The following RTKN2 variants were observed in gnomAD, a reference collection of about 807,000 sequenced individuals.
RTKN2 encodes the protein rhotekin-2.
Under a neutral mutation model 71.5 loss-of-function variants are expected in RTKN2, and 69 were observed. The ratio of observed to expected loss-of-function variants is 0.96; its 90% CI spans 0.79 to 1.18. RTKN2 has a LOEUF of 1.18. Among genes scored for constraint, RTKN2 ranks in the 50% most tolerant of loss-of-function variants. RTKN2 has a pLI of 0.00. For missense variants in RTKN2, 724 were observed against 719.7 expected (o/e 1.01, Z -0.07); for synonymous variants, 236 against 236.5 (o/e 1.00, Z 0.02).
rs75339755 is a variant in RTKN2 at position 62,198,616 on chromosome 10, C to T, written c.1295-173G>A. 6.7e-3 allele frequency among the ~76,000 whole-genome samples: 1,014 copies of T among 151,958 alleles called. 4 individuals carry two copies. Among genetic ancestry groups the T allele is most frequent in the African/African-American group, 0.017 (695 of 41,450 alleles). On this transcript the variant is annotated intron_variant, in intron 11 of 11. Coordinates refer to ENST00000373789, the MANE Select transcript of RTKN2 (RefSeq NM_145307.4). ...CACCATCAGAACTAAAAAGATCATG[C>T]GCTGCACTAATCATACATTATATAT...
Position 62,194,684 on chromosome 10 carries a change from G to C in RTKN2, c.*3224C>G, listed in dbSNP as rs1328193325. 5.9e-5 allele frequency: 58 copies of C among 985,228 alleles called. No homozygotes were observed. The highest frequency in any genetic ancestry group is 6.6e-5 in the Non-Finnish European group (55 of 829,906). The allele number at this position is 985,228 out of a possible 1,614,324, so 61.0% of individuals were successfully genotyped here. Reference sequence around the variant, plus strand: ...CAAACTGCCCTATAATTTCATTTTGGACTGAATTAATTAACTTCTCAGTAG... The same window carrying C: ...CAAACTGCCCTATAATTTCATTTTGCACTGAATTAATTAACTTCTCAGTAG... On this transcript the variant is annotated 3_prime_UTR_variant, in exon 12 of 12. Transcript: ENST00000373789.
chr10:62,185,993 A>C (rs1320800150), intron 8 of RTKN2, among the ~76,000 whole-genome samples: 1 of 152,236 alleles, frequency 6.6e-6, no homozygotes, highest in Non-Finnish European at 1.5e-5. Context: ...CCTGGGCCTT[A>C]GAAGAGTTAA....
chr10:62,200,362 C>CAAA (rs67854159), intron 10 of RTKN2, among the ~76,000 whole-genome samples: 5 of 79,504 alleles, frequency 6.3e-5, no homozygotes, highest in Admixed American at 1.8e-4. Flanking sequence ...GACTCCGTCT[C>CAAA]AAAAAAAAAA....
At chr10:62,262,858 C>T in intron 1 of RTKN2, 37 bp from the exon 2 acceptor site, 1 of 1,394,300 alleles carries the variant, frequency 7.2e-7, no homozygotes, top group East Asian at 2.3e-5. Flanking sequence ...ATAGCAAAAA[C>T]CCAAAATTAC....
chr10:62,265,009 G>A (rs1451109036), intron 1 of RTKN2, among the ~76,000 whole-genome samples: 1 of 151,998 alleles, frequency 6.6e-6, no homozygotes, highest in African/African-American at 2.4e-5. Context: ...TCACATAAAT[G>A]AAGAGTATCT....
At chr10:62,201,877 A>G (rs1470145053) in intron 10 of RTKN2, among the ~76,000 whole-genome samples, 1 of 152,184 alleles carries the variant, frequency 6.6e-6, no homozygotes, top group East Asian at 1.9e-4. Context: ...GATAGCCAAT[A>G]TGCTAACATG....
At position 62,214,990 on chromosome 10, in the gene RTKN2, A is replaced by G. The variant is rs1438184990; in HGVS notation, c.1020+2128T>C. 3.6e-5 allele frequency: 32 copies of G among 888,840 alleles called. No individual in the cohort carries two copies. The East Asian group carries it at 9.1e-4, about 25-fold the overall frequency. The allele number at this position is 888,840 out of a possible 1,614,324, so 55.1% of individuals were successfully genotyped here. The stretch of plus-strand genomic sequence containing the variant: ...TTTCTTCACTTGTAAAAGAAATAAT[A>G]TACCTGTAAAACAGGGCTGTCATCC... On this transcript the variant is annotated intron_variant, in intron 9 of 11. Transcript: ENST00000373789.
rs1841350930 is a variant in RTKN2 at position 62,197,333 on chromosome 10, G to T, written c.*575C>A. ...ATTACAAATTCCCTTTAAAGATGAA[G>T]AATTTAATATTCTAAAATTTATCCC... On this transcript the variant is annotated 3_prime_UTR_variant, in exon 12 of 12. Coordinates refer to ENST00000373789, the MANE Select transcript of RTKN2 (RefSeq NM_145307.4). 2.0e-6 allele frequency: 2 copies of T among 984,358 alleles called. No individual in the cohort carries two copies. Among genetic ancestry groups the T allele is most frequent in the Non-Finnish European group, 2.4e-6 (2 of 828,748 alleles). 61.0% of individuals were successfully genotyped at this position (984,358 alleles called of 1,614,324 possible). A position where few individuals can be genotyped will look rare whatever the true frequency, so the allele number is the denominator to read the frequency against.
chr10:62,212,574 G>A (rs902393853), intron 9 of RTKN2, among the ~76,000 whole-genome samples: 14 of 151,612 alleles, frequency 9.2e-5, no homozygotes, highest in African/African-American at 2.2e-4. Flanking sequence ...GTGGTGGCAC[G>A]TACCTGTAGT....
chr10:62,217,994 A>G (rs1334728722), intron 8 of RTKN2, among the ~76,000 whole-genome samples: 4 of 152,122 alleles, frequency 2.6e-5, no homozygotes, highest in African/African-American at 7.2e-5. Context: ...TTAGCCATCA[A>G]CATCGCAGTA....
At chr10:62,254,848 A>C (rs1158732064) in intron 2 of RTKN2, among the ~76,000 whole-genome samples, 4 of 152,152 alleles carry the variant, frequency 2.6e-5, no homozygotes, top group African/African-American at 7.2e-5. Context: ...ATGAACCTGT[A>C]GTCCTAGGTA....
intron 9 of RTKN2, among the ~76,000 whole-genome samples, chr10:62,209,196 A>T (rs1208823562): frequency 6.6e-6 from 1 of 152,120 alleles, no homozygotes; most frequent in Non-Finnish European, 1.5e-5. Flanking sequence ...TAAACTTGGG[A>T]GGCAGAGGTT....
At chr10:62,240,598 T>C (rs1842354778) in intron 4 of RTKN2, among the ~76,000 whole-genome samples, 1 of 152,186 alleles carries the variant, frequency 6.6e-6, no homozygotes, top group Non-Finnish European at 1.5e-5. Flanking sequence ...GATAAAGTAT[T>C]ATCATATCTT....
At chr10:62,268,397 G>A (rs1363090209) in intron 1 of RTKN2, among the ~76,000 whole-genome samples, 154 bp downstream of exon 1, 1 of 152,278 alleles carries the variant, frequency 6.6e-6, no homozygotes, top group East Asian at 1.9e-4. Context: ...AGAGCCCCAA[G>A]AGCGCAGTCT....
chr10:62,229,300 T>C (rs983145730), intron 6 of RTKN2, among the ~76,000 whole-genome samples: 1 of 152,120 alleles, frequency 6.6e-6, no homozygotes, highest in Non-Finnish European at 1.5e-5. Context: ...CTACAAAGAT[T>C]ACAGAGGACA....
Position 62,198,139 on chromosome 10 carries a change from T to G in RTKN2, c.1599A>C (p.Thr533=). ...CCAAAGACGATGTCTGAGATACACT[T>G]GTTTTTCCCCAGTTGTCCTTAACCA... is the stretch of plus-strand genomic sequence containing the variant. The part of the protein sequence containing the change: ...DQLVKDNWGK[T]SVSQTSSLDT... The change falls in exon 12 of 12, where the codon ACA becomes ACC. Residue 533 remains threonine (T), a synonymous_variant. Coordinates refer to ENST00000373789, the MANE Select transcript of RTKN2 (RefSeq NM_145307.4). 1 of 1,614,198 alleles carries G rather than the reference T, an allele frequency of 6.2e-7. No homozygotes were observed. The highest frequency in any genetic ancestry group is 1.7e-5 in the Admixed American group (1 of 60,014).
chr10:62,229,456 G>A (rs1042407457), intron 6 of RTKN2, among the ~76,000 whole-genome samples: 3 of 152,152 alleles, frequency 2.0e-5, no homozygotes, highest in East Asian at 1.9e-4. Flanking sequence ...CTTAACACAC[G>A]TATGTTAAGT....
At chr10:62,229,293 C>A (rs899463212) in intron 6 of RTKN2, among the ~76,000 whole-genome samples, 2 of 152,048 alleles carry the variant, frequency 1.3e-5, no homozygotes, top group African/African-American at 4.8e-5. Context: ...ATACCTACTA[C>A]AAAGATTACA....
At chr10:62,223,376 C>T (rs1018047631) in intron 6 of RTKN2, 44 bp from the exon 7 acceptor site, 3 of 1,114,730 alleles carry the variant, frequency 2.7e-6, no homozygotes, top group African/African-American at 3.1e-5. Context: ...TTTTGTATTT[C>T]TACTACTACA....
Sources: gnomAD v4.1 joint callset for allele counts (sites outside exome capture counted in the v4.1 genomes callset) on GRCh38, gnomAD v4.1.1 for gene constraint, MANE v1.5 for transcripts, NCBI Gene and HGNC (gene_info 2026-07-23, HGNC 2026-07-21) for gene names.